ST18: variants seen among roughly 807,000 people sequenced by gnomAD.
The protein encoded by ST18 is suppression of tumorigenicity 18 protein.
ST18 carries 50 observed loss-of-function variants against 110.0 expected under a neutral mutation model. That is an observed-to-expected ratio of 0.45 (90% CI 0.36 to 0.58). The LOEUF is 0.58. Among genes scored for constraint, ST18 ranks in the 20% least tolerant of loss-of-function variants. ST18 has a pLI of 0.00. For missense variants in ST18, 1,306 were observed against 1,280.1 expected, an observed-to-expected ratio of 1.02 and a Z score of -0.31; for synonymous variants, 461 against 452.4, an observed-to-expected ratio of 1.02 and a Z score of -0.24.
At chr8:52,166,641 T>C (rs1179584010) in intron 11 of ST18, among the ~76,000 whole-genome samples, 2 of 152,360 alleles carry the variant, frequency 1.3e-5, no homozygotes, top group East Asian at 3.9e-4. Context: ...GTCTTTCCTA[T>C]GGCAATTGTC....
intron 10 of ST18, among the ~76,000 whole-genome samples, chr8:52,171,088 TAAAC>T (rs1334953872): frequency 6.6e-6 from 1 of 152,180 alleles, no homozygotes. Context: ...ATACTCATCT[TAAAC>T]AAGCATTCTA....
At chr8:52,317,787 G>A (rs1164013452) in intron 2 of ST18, among the ~76,000 whole-genome samples, 1 of 152,094 alleles carries the variant, frequency 6.6e-6, no homozygotes, top group African/African-American at 2.4e-5. Flanking sequence ...TGAACACAGG[G>A]ATTATTCATT....
intron 2 of ST18, among the ~76,000 whole-genome samples, chr8:52,284,897 A>G (rs2139223166): frequency 6.6e-6 from 1 of 152,202 alleles, no homozygotes; most frequent in African/African-American, 2.4e-5. Flanking sequence ...ATTGGTTATC[A>G]TACCTTTAAG....
chr8:52,358,414 T>C (rs1413099700), intron 2 of ST18, among the ~76,000 whole-genome samples: 2 of 151,950 alleles, frequency 1.3e-5, no homozygotes, highest in Non-Finnish European at 2.9e-5. Context: ...TGAAAGTAGT[T>C]TCTTTTAAAA....
At chr8:52,148,197 T>C (rs1320390614) in intron 16 of ST18, among the ~76,000 whole-genome samples, 3 of 151,658 alleles carry the variant, frequency 2.0e-5, no homozygotes, top group Admixed American at 6.5e-5. Flanking sequence ...TCATCAAATA[T>C]GTATTATTTT....
At chr8:52,206,344 A>G (rs185801764) in intron 8 of ST18, 1 of 152,374 alleles carries the variant, frequency 6.6e-6, no homozygotes, top group Admixed American at 6.5e-5. Flanking sequence ...TAAACATACA[A>G]GAGCATTAGA....
At chr8:52,354,777 A>G (rs912994564) in intron 2 of ST18, among the ~76,000 whole-genome samples, 2 of 152,212 alleles carry the variant, frequency 1.3e-5, no homozygotes, top group African/African-American at 4.8e-5. Flanking sequence ...AGCAAGAAAG[A>G]GAAGGGATCA....
chr8:52,252,071 A>C (rs1361874029), intron 2 of ST18, among the ~76,000 whole-genome samples: 2 of 152,090 alleles, frequency 1.3e-5, no homozygotes, highest in East Asian at 3.8e-4. Flanking sequence ...AACTATTTGC[A>C]ATGAACTGTT....
At chr8:52,156,529 A>G (rs2060059925) in intron 15 of ST18, among the ~76,000 whole-genome samples, 1 of 152,226 alleles carries the variant, frequency 6.6e-6, no homozygotes, top group Admixed American at 6.5e-5. Flanking sequence ...ATTAAGTAAA[A>G]GGCAGCACTG....
In ST18 at chr8:52,378,970, C is replaced by T. The variant is rs990437853; in HGVS notation, c.-465+30358G>A. ...CAATGATTCTGCATCCCTCATCATG[C>T]TTTCAATTGTCATAATTCTTGTATT... On this transcript the variant is annotated intron_variant, in intron 2 of 25. Transcript: ENST00000689386. 3.7e-4 allele frequency among the ~76,000 whole-genome samples: 57 copies of T among 152,120 alleles called. 1 individual carries two copies. Among genetic ancestry groups the T allele is most frequent in the Non-Finnish European group, 1.0e-4 (7 of 68,036 alleles).
intron 19 of ST18, among the ~76,000 whole-genome samples, chr8:52,134,965 T>G (rs958334250): frequency 2.0e-5 from 3 of 152,228 alleles, no homozygotes; most frequent in African/African-American, 7.2e-5. Flanking sequence ...ATTAGATAGC[T>G]GTATAAAAAT....
Position 52,112,940 on chromosome 8 carries a change from A to T in ST18, c.*258T>A, listed in dbSNP as rs2040953974. 3.5e-6 allele frequency: 1 copy of T among 288,178 alleles called. No individual in the cohort carries two copies. 17.9% of individuals were successfully genotyped at this position (288,178 alleles called of 1,614,324 possible). A position where few individuals can be genotyped will look rare whatever the true frequency, so the allele number is the denominator to read the frequency against. ...ACATATACTTTACAAAAAAAAAAAG[A>T]GTACAATGAAGAAATAAAAGAAAAA... On this transcript the variant is annotated 3_prime_UTR_variant, in exon 26 of 26. Coordinates refer to ENST00000689386, the MANE Select transcript of ST18 (RefSeq NM_001352837.2).
intron 2 of ST18, among the ~76,000 whole-genome samples, chr8:52,283,752 T>G (rs995575715): frequency 1.3e-5 from 2 of 152,116 alleles, no homozygotes; most frequent in East Asian, 3.9e-4. Flanking sequence ...GGCAGTAAAG[T>G]GAACTGTACG....
At chr8:52,379,598 TAAATATTGA>T (rs1833776175) in intron 2 of ST18, among the ~76,000 whole-genome samples, 1 of 151,972 alleles carries the variant, frequency 6.6e-6, no homozygotes, top group Non-Finnish European at 1.5e-5. Flanking sequence ...TTGTAGCCGG[TAAATATTGA>T]AAAAAAATTA....
chr8:52,269,845 G>C (rs6473697), intron 2 of ST18, among the ~76,000 whole-genome samples: 8,598 of 152,234 alleles, frequency 0.056, 821 homozygotes, highest in African/African-American at 0.2. Flanking sequence ...GACCCAGAAT[G>C]TAATGTCTTT....
intron 2 of ST18, among the ~76,000 whole-genome samples, chr8:52,288,036 C>G (rs1465894220): frequency 6.6e-6 from 1 of 152,176 alleles, no homozygotes; most frequent in Non-Finnish European, 1.5e-5. Flanking sequence ...CTGTGAAAAA[C>G]TTTCTTTCTC....
intron 2 of ST18, among the ~76,000 whole-genome samples, chr8:52,394,076 G>A (rs73679088): frequency 0.028 from 4,193 of 152,040 alleles, 202 homozygotes; most frequent in African/African-American, 0.096. Context: ...CTACAGCAAC[G>A]CCCATTAATG....
chr8:52,178,792 C>T (rs1430085175), intron 9 of ST18, among the ~76,000 whole-genome samples: 3 of 151,612 alleles, frequency 2.0e-5, no homozygotes, highest in Admixed American at 1.3e-4. Flanking sequence ...AAATCACATG[C>T]TAAATACAGA....
At chr8:52,237,741 A>C (rs2092876276) in intron 2 of ST18, among the ~76,000 whole-genome samples, 1 of 152,248 alleles carries the variant, frequency 6.6e-6, no homozygotes, top group African/African-American at 2.4e-5. Context: ...AGGCTAGAGG[A>C]TGGGCTATTT....
Sources: gnomAD v4.1 joint callset for allele counts (sites outside exome capture counted in the v4.1 genomes callset) on GRCh38, gnomAD v4.1.1 for gene constraint, MANE v1.5 for transcripts, NCBI Gene and HGNC (gene_info 2026-07-23, HGNC 2026-07-21) for gene names.